Variants in CATSPER3 observed in about 807,000 individuals in gnomAD.
The protein encoded by CATSPER3 is cation channel sperm-associated protein 3.
In CATSPER3, 23 loss-of-function variants were observed where a neutral mutation model predicts 36.6. The ratio of observed to expected loss-of-function variants is 0.63; its 90% CI spans 0.45 to 0.89. The LOEUF is 0.89. Among genes scored for constraint, CATSPER3 ranks in the 40% least tolerant of loss-of-function variants. The probability of loss-of-function intolerance (pLI) is 0.00; values close to 1 mark genes in which losing one functional copy is unlikely to be tolerated. For missense variants in CATSPER3, 474 were observed against 503.9 expected (o/e 0.94, Z 0.57); for synonymous variants, 172 against 184.1 (o/e 0.93, Z 0.53).
chr5:135,002,707 C>A (rs1752036486), intron 3 of CATSPER3, among the ~76,000 whole-genome samples: 1 of 152,236 alleles, frequency 6.6e-6, no homozygotes, highest in African/African-American at 2.4e-5. Context: ...TTCATTTGAT[C>A]TTCAATCACT....
intron 3 of CATSPER3, among the ~76,000 whole-genome samples, chr5:135,006,856 A>G (rs1477853717): frequency 6.8e-6 from 1 of 147,406 alleles, no homozygotes; most frequent in East Asian, 2.0e-4. Flanking sequence ...AAAAATAATA[A>G]TAATAATAAT....
intron 2 of CATSPER3, among the ~76,000 whole-genome samples, chr5:134,986,098 CA>C (rs1751805238): frequency 6.6e-6 from 1 of 151,568 alleles, no homozygotes; most frequent in Non-Finnish European, 1.5e-5. Context: ...AACGGAACTA[CA>C]GAGGAAAACT....
chr5:135,010,729 G>A (rs1752172117), intron 7 of CATSPER3, among the ~76,000 whole-genome samples, 199 bp downstream of exon 7: 1 of 152,134 alleles, frequency 6.6e-6, no homozygotes, highest in Non-Finnish European at 1.5e-5. Flanking sequence ...ATGGCTGGGG[G>A]GAATCTGCCC....
chr5:134,974,643 G>C (rs930290397), intron 2 of CATSPER3, among the ~76,000 whole-genome samples: 7 of 152,128 alleles, frequency 4.6e-5, no homozygotes, highest in African/African-American at 1.4e-4. Flanking sequence ...TTATCTTTAG[G>C]ATAAATAACA....
chr5:134,982,594 A>G (rs1480154986), intron 2 of CATSPER3, among the ~76,000 whole-genome samples: 1 of 152,246 alleles, frequency 6.6e-6, no homozygotes, highest in African/African-American at 2.4e-5. Flanking sequence ...TACTGTATTC[A>G]GCAAAATTAT....
rs374340517 is a variant in CATSPER3 at position 135,006,744 on chromosome 5, A to G, written c.493-1213A>G. ...TCCCAGCTACTTGGGAGGCTGAGGC[A>G]GGAGAATGGCATGAACCCGGGAGGC... is the stretch of plus-strand genomic sequence containing the variant. On this transcript the variant is annotated intron_variant, in intron 3 of 7. Coordinates refer to ENST00000282611, the MANE Select transcript of CATSPER3 (RefSeq NM_178019.3). Among the ~76,000 whole-genome samples, 15 of 150,500 alleles carry G rather than the reference A, an allele frequency of 1.0e-4. No homozygotes were observed. In the East Asian group the frequency reaches 2.4e-3, roughly 24 times the overall value.
chr5:135,009,952 A>T (rs1160697517), intron 6 of CATSPER3, among the ~76,000 whole-genome samples: 1 of 152,206 alleles, frequency 6.6e-6, no homozygotes, highest in East Asian at 1.9e-4. Flanking sequence ...GTCAAGCATG[A>T]TGCAACCATG....
At chr5:134,975,116 A>G (rs1751651883) in intron 2 of CATSPER3, 1 of 152,196 alleles carries the variant, frequency 6.6e-6, no homozygotes, top group Non-Finnish European at 1.5e-5. Flanking sequence ...GTAAAATGAT[A>G]TAATTAATAT....
At position 134,978,580 on chromosome 5, in the gene CATSPER3, C is replaced by A. The variant is rs144700536; in HGVS notation, c.252+8488C>A. 3.9e-5 allele frequency among the ~76,000 whole-genome samples: 6 copies of A among 152,190 alleles called. No homozygotes were observed. In the East Asian group the frequency reaches 1.2e-3, roughly 29 times the overall value. The stretch of plus-strand genomic sequence containing the variant: ...GAAAAGGATGCTTACTTTCACCACT[C>A]CTATTTAACATCATACTGGAAGTCA... On this transcript the variant is annotated intron_variant, in intron 2 of 7. Coordinates refer to ENST00000282611, the MANE Select transcript of CATSPER3 (RefSeq NM_178019.3).
intron 3 of CATSPER3, among the ~76,000 whole-genome samples, chr5:134,997,939 A>G (rs1249292758): frequency 6.6e-6 from 1 of 152,058 alleles, no homozygotes; most frequent in Non-Finnish European, 1.5e-5. Context: ...TTTAAAAATT[A>G]TTCTTTAAGT....
chr5:135,007,914 G>T, intron 3 of CATSPER3, 43 bp from the exon 4 acceptor site: 5 of 1,548,640 alleles, frequency 3.2e-6, no homozygotes, highest in Non-Finnish European at 4.4e-6. Context: ...AGCCCACCCA[G>T]CTTGGTGGTA....
At chr5:135,002,242 G>A (rs1752029159) in intron 3 of CATSPER3, among the ~76,000 whole-genome samples, 1 of 152,198 alleles carries the variant, frequency 6.6e-6, no homozygotes, top group Non-Finnish European at 1.5e-5. Flanking sequence ...GGCTGGATAT[G>A]AAATTCTGGG....
chr5:134,977,384 T>C lies in CATSPER3; in HGVS notation c.252+7292T>C, dbSNP rs115356422. On this transcript the variant is annotated intron_variant, in intron 2 of 7. Coordinates refer to ENST00000282611, the MANE Select transcript of CATSPER3 (RefSeq NM_178019.3). ...TAGATTCCCTAAGTCATCACTCTTA[T>C]GTTCAGCTTTCCACAAAGCCCTAGG... 4.2e-3 allele frequency among the ~76,000 whole-genome samples: 636 copies of C among 152,338 alleles called. 2 individuals carry two copies. Among genetic ancestry groups the C allele is most frequent in the African/African-American group, 0.015 (614 of 41,576 alleles).
At chr5:134,980,841 A>T (rs950679558) in intron 2 of CATSPER3, among the ~76,000 whole-genome samples, 18 of 152,006 alleles carry the variant, frequency 1.2e-4, no homozygotes, top group African/African-American at 4.3e-4. Flanking sequence ...ATCCCCACAT[A>T]TCAGCCTCCT....
intron 2 of CATSPER3, among the ~76,000 whole-genome samples, chr5:134,986,618 C>T (rs184497386): frequency 2.6e-5 from 4 of 151,958 alleles, no homozygotes; most frequent in South Asian, 2.1e-4. Context: ...CATGCCACCG[C>T]GCCCAGCTAA....
chr5:135,006,525 G>T (rs1752087391), intron 3 of CATSPER3, among the ~76,000 whole-genome samples: 1 of 151,510 alleles, frequency 6.6e-6, no homozygotes, highest in African/African-American at 2.4e-5. Flanking sequence ...TGTTTAGTTG[G>T]GAGGAAGGCA....
Position 134,971,171 on chromosome 5 carries a change from A to G in CATSPER3, c.252+1079A>G, listed in dbSNP as rs144612276. 7.2e-4 allele frequency among the ~76,000 whole-genome samples: 110 copies of G among 152,090 alleles called. 2 individuals are homozygous for G. The East Asian group carries it at 0.017, about 23-fold the overall frequency. Reference sequence around the variant, plus strand: ...TCACCGTGTTAGCCAGGATGGTCTCAATCTCCTGACCTCGTGATCCGCCCT... The same window carrying G: ...TCACCGTGTTAGCCAGGATGGTCTCGATCTCCTGACCTCGTGATCCGCCCT... On this transcript the variant is annotated intron_variant, in intron 2 of 7. Transcript: ENST00000282611.
intron 2 of CATSPER3, among the ~76,000 whole-genome samples, chr5:134,986,041 A>G: frequency 6.6e-6 from 1 of 152,108 alleles, no homozygotes; most frequent in Non-Finnish European, 1.5e-5. Flanking sequence ...TCACTTAAAT[A>G]TATATATACA....
At chr5:135,004,032 C>T (rs551039830) in intron 3 of CATSPER3, among the ~76,000 whole-genome samples, 11 of 152,212 alleles carry the variant, frequency 7.2e-5, no homozygotes, top group Admixed American at 4.6e-4. Flanking sequence ...AATTACCCAT[C>T]TTCTGCGTCA....
Sources: gnomAD v4.1 joint callset for allele counts (sites outside exome capture counted in the v4.1 genomes callset) on GRCh38, gnomAD v4.1.1 for gene constraint, MANE v1.5 for transcripts, NCBI Gene and HGNC (gene_info 2026-07-23, HGNC 2026-07-21) for gene names.